Variants in TBC1D30 observed in about 807,000 individuals in gnomAD.
The protein encoded by TBC1D30 is TBC1 domain family, member 30.
A neutral mutation model predicts 63.2 loss-of-function variants in TBC1D30; 31 were observed. That is an observed-to-expected ratio of 0.49 (90% CI 0.37 to 0.66). TBC1D30 has a LOEUF of 0.66. Ranked by LOEUF, TBC1D30 falls within the 30% of genes least tolerant of loss-of-function variation. TBC1D30 has a pLI of 0.00. For synonymous variants in TBC1D30, 307 were observed against 361.5 expected, an observed-to-expected ratio of 0.85 and a Z score of 1.71; for missense variants, 810 against 953.6, an observed-to-expected ratio of 0.85 and a Z score of 1.98.
chr12:64,838,569 A>G (rs1875569630), intron 6 of TBC1D30, 114 bp from the exon 7 acceptor site: 1 of 1,043,854 alleles, frequency 9.6e-7, no homozygotes, highest in Non-Finnish European at 1.3e-6. Context: ...AATATGAAGA[A>G]ATCAGTCAGG....
chr12:64,810,673 A>C (rs1478249068), intron 2 of TBC1D30, among the ~76,000 whole-genome samples: 1 of 152,244 alleles, frequency 6.6e-6, no homozygotes, highest in East Asian at 1.9e-4. Flanking sequence ...CACAGTTTAC[A>C]GAAGGCTTTA....
At chr12:64,759,566 GA>G (rs1455271894) in exon 1 of TBC1D30, 3 of 450,134 alleles carry the variant, frequency 6.7e-6, no homozygotes, top group African/African-American at 6.1e-5. Flanking sequence ...GAAAAGGGCG[GA>G]GAACCGGAGA....
At chr12:64,857,542 C>T (rs145949306) in intron 8 of TBC1D30, among the ~76,000 whole-genome samples, 148 of 152,348 alleles carry the variant, frequency 9.7e-4, no homozygotes, top group African/African-American at 3.4e-3. Flanking sequence ...CTATGAGCTG[C>T]ACTGCCTGGG....
chr12:64,789,095 G>A (rs374664085), intron 2 of TBC1D30, among the ~76,000 whole-genome samples: 11 of 151,746 alleles, frequency 7.2e-5, no homozygotes, highest in East Asian at 3.9e-4. Context: ...CAGAAGTTCA[G>A]ATAATCCCCA....
Position 64,824,824 on chromosome 12 carries a change from G to C in TBC1D30, c.-56G>C, listed in dbSNP as rs1874153614. On this transcript the variant is annotated 5_prime_UTR_variant, in exon 1 of 12. Transcript: ENST00000539867. ...CCGCGAGCTCAGCCGCTCAGCGAGTGGGGTAGCGGGGACCGAGACGGACGG... is the reference window on the plus strand; with the variant it reads ...CCGCGAGCTCAGCCGCTCAGCGAGTCGGGTAGCGGGGACCGAGACGGACGG... 6.6e-7 allele frequency: 1 copy of C among 1,507,634 alleles called. No individual in the cohort carries two copies. The highest frequency in any genetic ancestry group is 8.8e-7 in the Non-Finnish European group (1 of 1,131,116). 93.4% of individuals were successfully genotyped at this position (1,507,634 alleles called of 1,614,324 possible).
chr12:64,789,544 G>A (rs1871804158), intron 2 of TBC1D30, among the ~76,000 whole-genome samples: 1 of 151,984 alleles, frequency 6.6e-6, no homozygotes, highest in African/African-American at 2.4e-5. Flanking sequence ...TTATTAAACT[G>A]GGTTATTTCT....
At chr12:64,862,470 G>A (rs1877870345) in intron 8 of TBC1D30, among the ~76,000 whole-genome samples, 1 of 152,194 alleles carries the variant, frequency 6.6e-6, no homozygotes, top group Non-Finnish European at 1.5e-5. Context: ...GGTGTCTTTA[G>A]CTGAGTGGCC....
At chr12:64,780,939 G>T in exon 1 of TBC1D30, 1 of 1,055,552 alleles carries the variant, frequency 9.5e-7, no homozygotes, top group Non-Finnish European at 1.2e-6. Flanking sequence ...CCAGCCCCGC[G>T]CCTCCGGGGA....
chr12:64,781,337 C>G (rs1013931545), intron 1 of TBC1D30: 2 of 1,051,856 alleles, frequency 1.9e-6, no homozygotes, highest in African/African-American at 3.5e-5. Flanking sequence ...GCCGGGTTGT[C>G]CTCGCCGTCT....
chr12:64,855,124 CATGCCACTCTCTCCTGGTT>C (rs1349022008), intron 8 of TBC1D30, among the ~76,000 whole-genome samples: 5 of 151,946 alleles, frequency 3.3e-5, no homozygotes, highest in South Asian at 2.1e-4. Flanking sequence ...TTGAATATGT[CATGCCACTCTCTCCTGGTT>C]ATGCCACTCT....
At chr12:64,778,229 G>GT (rs1433576996), upstream of TBC1D30, among the ~76,000 whole-genome samples, 2 of 152,166 alleles carry the variant, frequency 1.3e-5, no homozygotes, top group East Asian at 1.9e-4. Context: ...GTAATTGGTT[G>GT]TTTTTTTCTC....
Position 64,767,278 on chromosome 12 carries a change from T to A in TBC1D30, c.-376+7629T>A, listed in dbSNP as rs145693668. Among the ~76,000 whole-genome samples, 910 of 152,030 alleles carry A rather than the reference T, an allele frequency of 6.0e-3. 11 individuals carry two copies. The highest frequency in any genetic ancestry group is 0.021 in the African/African-American group (874 of 41,454). On this transcript the variant is annotated intron_variant, in intron 1 of 13. Transcript: ENST00000674237. ...GATTCTTTGGAAAGATTAACAAAAT[T>A]GTCAAATCTTGGTGGTCCCTATCAG...
At chr12:64,788,218 T>C (rs1214100031) in intron 2 of TBC1D30, among the ~76,000 whole-genome samples, 1 of 151,732 alleles carries the variant, frequency 6.6e-6, no homozygotes, top group African/African-American at 2.4e-5. Flanking sequence ...TGTGTGTGTG[T>C]GTGTGTGATT....
intron 8 of TBC1D30, among the ~76,000 whole-genome samples, chr12:64,855,518 T>C (rs1877226636): frequency 6.6e-6 from 1 of 152,202 alleles, no homozygotes; most frequent in Non-Finnish European, 1.5e-5. Flanking sequence ...CATTATTTTT[T>C]ATTCTTTTTT....
rs1187112851 is a variant in TBC1D30 at position 64,824,834 on chromosome 12, G to A, written c.-46G>A. The A allele has an allele frequency of 5.3e-6, 8 of 1,523,230 alleles. No homozygotes were observed. Among genetic ancestry groups the A allele is most frequent in the Non-Finnish European group, 7.0e-6 (8 of 1,140,632 alleles). The allele number at this position is 1,523,230 out of a possible 1,614,324, so 94.4% of individuals were successfully genotyped here. A position where few individuals can be genotyped will look rare whatever the true frequency, so the allele number is the denominator to read the frequency against. ...AGCCGCTCAGCGAGTGGGGTAGCGG[G>A]GACCGAGACGGACGGTAGCCGTGCC... On this transcript the variant is annotated 5_prime_UTR_variant, in exon 1 of 12. Transcript: ENST00000539867.
At chr12:64,776,471 T>TTG (rs2136283569), upstream of TBC1D30, among the ~76,000 whole-genome samples, 2 of 152,298 alleles carry the variant, frequency 1.3e-5, no homozygotes, top group Non-Finnish European at 2.9e-5. Flanking sequence ...CATAGAATAG[T>TTG]ATGAATACAT....
At position 64,875,860 on chromosome 12, in the gene TBC1D30, A is replaced by G; in HGVS notation, c.*72A>G. 2 of 1,394,678 alleles carry G rather than the reference A, an allele frequency of 1.4e-6. No homozygotes were observed. The highest frequency in any genetic ancestry group is 1.9e-6 in the Non-Finnish European group (2 of 1,059,432). 86.4% of individuals were successfully genotyped at this position (1,394,678 alleles called of 1,614,324 possible). ...TAAGGGTTGCAGCTGAATGGCTCTA[A>G]AAGAGTTTTATTTGTCCAGTGAAAA... On this transcript the variant is annotated 3_prime_UTR_variant, in exon 12 of 12. Coordinates refer to ENST00000539867, the MANE Select transcript of TBC1D30 (RefSeq NM_015279.2).
At chr12:64,856,005 T>G (rs1190190391) in intron 8 of TBC1D30, among the ~76,000 whole-genome samples, 1 of 152,186 alleles carries the variant, frequency 6.6e-6, no homozygotes, top group African/African-American at 2.4e-5. Context: ...GGATAATTTA[T>G]AAAGAAAAGA....
chr12:64,772,917 C>T (rs1227791845), intron 1 of TBC1D30, among the ~76,000 whole-genome samples: 4 of 152,166 alleles, frequency 2.6e-5, no homozygotes, highest in Non-Finnish European at 4.4e-5. Context: ...AAAGGTTATA[C>T]TCTGTCACTT....
Sources: gnomAD v4.1 joint callset for allele counts (sites outside exome capture counted in the v4.1 genomes callset) on GRCh38, gnomAD v4.1.1 for gene constraint, MANE v1.5 for transcripts, NCBI Gene and HGNC (gene_info 2026-07-23, HGNC 2026-07-21) for gene names.